LGR4: variants seen among roughly 807,000 people sequenced by gnomAD.
The protein encoded by LGR4 is leucine rich repeat containing G protein-coupled receptor 4.
In LGR4, 44 loss-of-function variants were observed where a neutral mutation model predicts 84.8. The ratio of observed to expected loss-of-function variants is 0.52; its 90% CI spans 0.41 to 0.67. LGR4 has a LOEUF of 0.67. Ranked by LOEUF, LGR4 falls within the 30% of genes least tolerant of loss-of-function variation. LGR4 has a pLI of 0.00. For synonymous variants in LGR4, 429 were observed against 434.3 expected, an observed-to-expected ratio of 0.99 and a Z score of 0.15; for missense variants, 1,032 against 1,131.4, an observed-to-expected ratio of 0.91 and a Z score of 1.26.
chr11:27,399,858 T>G (rs1168022541), intron 2 of LGR4, among the ~76,000 whole-genome samples: 1 of 152,160 alleles, frequency 6.6e-6, no homozygotes, highest in Non-Finnish European at 1.5e-5. Flanking sequence ...CTTCTTAAAG[T>G]CCTGAGCCAT....
chr11:27,373,550 C>T lies in LGR4; in HGVS notation c.1379+1G>A. ...AAAAAGAAAAATAAGCAAAAACACA[C>T]CTGAGGTTAACAAAGTCTTTTGCTG... On this transcript the variant is annotated splice_donor_variant, in intron 15 of 17. Transcript: ENST00000379214. LOFTEE classifies it high-confidence loss of function. The T allele has an allele frequency of 6.4e-7, 1 of 1,555,024 alleles. No individual in the cohort carries two copies. Among genetic ancestry groups the T allele is most frequent in the Non-Finnish European group, 8.7e-7 (1 of 1,147,714 alleles).
rs780823337 is a variant in LGR4, at chr11:27,373,601, G to A, written c.1329C>T (p.Gly443=). The A allele has an allele frequency of 6.2e-7, 1 of 1,602,532 alleles. No homozygotes were observed. Among genetic ancestry groups the A allele is most frequent in the Non-Finnish European group, 8.5e-7 (1 of 1,172,790 alleles). The change falls in exon 15 of 18, where the codon GGC becomes GGT. Residue 443 remains glycine, a synonymous_variant. Transcript: ENST00000379214. ...LNGLNQLKLV[G]NFKLKEALAA... is the part of the protein sequence containing the mutation. The stretch of plus-strand genomic sequence containing the variant: ...CTAAGGCTTCTTTCAGCTTGAAGTT[G>A]CCCACAAGTTTCAGTTGATTTAGCC...
chr11:27,375,319 A>G (rs1261554799), intron 13 of LGR4, among the ~76,000 whole-genome samples: 3 of 151,830 alleles, frequency 2.0e-5, no homozygotes, highest in African/African-American at 7.2e-5. Flanking sequence ...AAAAAGAAAA[A>G]GAAAAGAAAA....
At chr11:27,414,211 A>C (rs144023936) in intron 1 of LGR4, among the ~76,000 whole-genome samples, 196 of 152,194 alleles carry the variant, frequency 1.3e-3, no homozygotes, top group African/African-American at 4.7e-3. Context: ...TTAAGTGCAA[A>C]CGATGAGTCT....
chr11:27,402,357 C>A (rs147082933), intron 2 of LGR4, among the ~76,000 whole-genome samples: 191 of 152,176 alleles, frequency 1.3e-3, no homozygotes, highest in African/African-American at 4.6e-3. Context: ...TCTGAATATT[C>A]TATGTGGAGT....
chr11:27,389,483 A>G (rs1051410921), intron 4 of LGR4, among the ~76,000 whole-genome samples: 1 of 152,106 alleles, frequency 6.6e-6, no homozygotes, highest in Non-Finnish European at 1.5e-5. Context: ...TACATTACCA[A>G]TAAATGTCTC....
intron 2 of LGR4, among the ~76,000 whole-genome samples, chr11:27,411,417 A>G (rs1199828255): frequency 3.3e-5 from 5 of 151,956 alleles, no homozygotes; most frequent in Non-Finnish European, 7.4e-5. Flanking sequence ...ACAGGAGGCA[A>G]AAATAAAACA....
At chr11:27,411,743 T>C (rs1310999567) in intron 2 of LGR4, among the ~76,000 whole-genome samples, 2 of 152,090 alleles carry the variant, frequency 1.3e-5, no homozygotes, top group African/African-American at 2.4e-5. Flanking sequence ...CTAAGTAGTG[T>C]GGGAAGAAAC....
In LGR4 at chr11:27,368,396, G is replaced by C. The variant is rs1459112932; in HGVS notation, c.2327C>G (p.Ser776Cys). 6.2e-7 allele frequency: 1 copy of C among 1,614,150 alleles called. No individual in the cohort carries two copies. The highest frequency in any genetic ancestry group is 8.5e-7 in the Non-Finnish European group (1 of 1,180,020). The change falls in exon 18 of 18, where the codon TCT becomes TGT. Residue 776 changes from serine (S) to cysteine (C), a missense_variant. Physicochemically the swap from Ser to Cys is moderately radical, Grantham distance 112. Coordinates refer to ENST00000379214, the MANE Select transcript of LGR4 (RefSeq NM_018490.5). The stretch of plus-strand genomic sequence containing the variant: ...AGACTTCATTATTTCGGGGCTGATA[G>C]AGATTGCAGTGATCAATGGTGCAAA... ...FSFAPLITAI[S>C]ISPEIMKSVT...
At chr11:27,425,326 GTTTTTTTTTTTGT>G (rs1864002752) in intron 1 of LGR4, among the ~76,000 whole-genome samples, 3 of 142,484 alleles carry the variant, frequency 2.1e-5, no homozygotes, top group Admixed American at 2.1e-4. Context: ...TCTCAGCACA[GTTTTTTTTTTTGT>G]TTTTTTTTTT....
chr11:27,443,883 C>T (rs1864342997), intron 1 of LGR4, among the ~76,000 whole-genome samples: 1 of 152,122 alleles, frequency 6.6e-6, no homozygotes, highest in Admixed American at 6.6e-5. Flanking sequence ...CTGTTAATCA[C>T]GAACAAAAGT....
chr11:27,441,824 G>C lies in LGR4; in HGVS notation c.186-28964C>G, dbSNP rs569761563. ...AAAGGATTGTCCATGTTGGGTGAAT[G>C]ACAGAACTTACGGCAGGGGAGAGGA... On this transcript the variant is annotated intron_variant, in intron 1 of 17. Coordinates refer to ENST00000379214, the MANE Select transcript of LGR4 (RefSeq NM_018490.5). Among the ~76,000 whole-genome samples, 7 of 152,306 alleles carry C rather than the reference G, an allele frequency of 4.6e-5. No homozygotes were observed. The South Asian group carries it at 1.5e-3, about 32-fold the overall frequency.
At chr11:27,394,063 C>T (rs142733831) in intron 2 of LGR4, among the ~76,000 whole-genome samples, 2 of 151,614 alleles carry the variant, frequency 1.3e-5, no homozygotes, top group Admixed American at 6.6e-5. Context: ...GATTCTCAGG[C>T]GATACCACCA....
intron 3 of LGR4, 69 bp from the exon 4 acceptor site, chr11:27,391,234 C>CTTTTTTT: frequency 2.0e-6 from 1 of 490,134 alleles, no homozygotes. Context: ...AAATTCAGAG[C>CTTTTTTT]CTTTTTTTTT....
At chr11:27,463,067 C>CAAAAAA (rs35718980) in intron 1 of LGR4, among the ~76,000 whole-genome samples, 1 of 51,036 alleles carries the variant, frequency 2.0e-5, no homozygotes, top group Non-Finnish European at 3.1e-5. Flanking sequence ...ACCCTGTCTC[C>CAAAAAA]AAAAAAAAAA....
chr11:27,468,107 TG>T (rs1047262285), intron 1 of LGR4, among the ~76,000 whole-genome samples: 5 of 151,786 alleles, frequency 3.3e-5, no homozygotes, highest in African/African-American at 1.2e-4. Context: ...CTTGGAGTAG[TG>T]GGGGAAAAAA....
chr11:27,463,719 G>A (rs888056940), intron 1 of LGR4, among the ~76,000 whole-genome samples: 1 of 152,128 alleles, frequency 6.6e-6, no homozygotes, highest in African/African-American at 2.4e-5. Context: ...CCAGGAGGCG[G>A]AGGTTGCAGT....
intron 1 of LGR4, among the ~76,000 whole-genome samples, chr11:27,451,017 A>C (rs1864472865): frequency 6.6e-6 from 1 of 152,144 alleles, no homozygotes; most frequent in African/African-American, 2.4e-5. Context: ...TTATGTAAGG[A>C]TCTATACTAT....
chr11:27,452,916 T>C (rs1046733651), intron 1 of LGR4, among the ~76,000 whole-genome samples: 2 of 152,272 alleles, frequency 1.3e-5, no homozygotes, highest in East Asian at 3.9e-4. Context: ...TGTATACTTC[T>C]GTGTAATAGC....
Sources: gnomAD v4.1 joint callset for allele counts (sites outside exome capture counted in the v4.1 genomes callset) on GRCh38, gnomAD v4.1.1 for gene constraint, MANE v1.5 for transcripts, NCBI Gene and HGNC (gene_info 2026-07-23, HGNC 2026-07-21) for gene names.